Variants in TMCC3 observed in about 807,000 individuals in gnomAD.
TMCC3 encodes transmembrane and coiled-coil domain family 3, also known as transmembrane and coiled-coil domain protein 3.
In TMCC3, 28 loss-of-function variants were observed where a neutral mutation model predicts 40.2. The ratio of observed to expected loss-of-function variants is 0.70; its 90% CI spans 0.52 to 0.95. The LOEUF is 0.95. TMCC3 is among the 40% of genes least tolerant of loss of function. The probability of loss-of-function intolerance (pLI) is 0.00; values close to 1 mark genes in which losing one functional copy is unlikely to be tolerated. For missense variants in TMCC3, 554 were observed against 615.2 expected (o/e 0.90, Z 1.05); for synonymous variants, 255 against 248.5 (o/e 1.03, Z -0.25).
chr12:94,592,536 CAG>C (rs2068683154), intron 1 of TMCC3, among the ~76,000 whole-genome samples: 1 of 150,252 alleles, frequency 6.7e-6, no homozygotes, highest in African/African-American at 2.5e-5. Context: ...CCCAGCTACT[CAG>C]GAGGCTGAGG....
At chr12:94,631,373 G>A (rs543320410) in intron 1 of TMCC3, among the ~76,000 whole-genome samples, 1 of 152,240 alleles carries the variant, frequency 6.6e-6, no homozygotes, top group East Asian at 1.9e-4. Context: ...ACTTTAAAGA[G>A]GTAATTAGGC....
intron 1 of TMCC3, among the ~76,000 whole-genome samples, chr12:94,613,050 T>C (rs1021499561): frequency 2.0e-5 from 3 of 151,800 alleles, no homozygotes; most frequent in Non-Finnish European, 4.4e-5. Flanking sequence ...AATGGAGAGA[T>C]ATATATACAC....
chr12:94,578,165 A>AAAAAAAG lies in TMCC3; in HGVS notation c.1131+228_1131+229insCTTTTTT, dbSNP rs1467855760. ...TCACCTCAAAAAAAAAAAAAAAAAA[A>AAAAAAAG]AAAGAAAAAGAAAAAGAAAAAAAAA... On this transcript the variant is annotated intron_variant, in intron 3 of 3. Coordinates refer to ENST00000261226, the MANE Select transcript of TMCC3 (RefSeq NM_020698.4). Among the ~76,000 whole-genome samples the AAAAAAAG allele has an allele frequency of 4.7e-3, 575 of 123,212 alleles. 27 individuals are homozygous for AAAAAAAG. The highest frequency in any genetic ancestry group is 0.046 in the East Asian group (210 of 4,534). The allele number at this position is 123,212 out of a possible 152,430, so 80.8% of individuals were successfully genotyped here. A position where few individuals can be genotyped will look rare whatever the true frequency, so the allele number is the denominator to read the frequency against.
At chr12:94,577,926 C>G (rs937189657) in intron 3 of TMCC3, among the ~76,000 whole-genome samples, 1 of 151,896 alleles carries the variant, frequency 6.6e-6, no homozygotes, top group Non-Finnish European at 1.5e-5. Context: ...GTGGGCAGAT[C>G]ACTTGAGGTC....
intron 1 of TMCC3, among the ~76,000 whole-genome samples, chr12:94,611,906 C>A (rs1176835504): frequency 6.6e-6 from 1 of 152,188 alleles, no homozygotes; most frequent in Non-Finnish European, 1.5e-5. Context: ...TTCATGGCAA[C>A]TGAAGGGTCA....
intron 1 of TMCC3, among the ~76,000 whole-genome samples, chr12:94,638,347 T>C (rs1270213219): frequency 6.6e-6 from 1 of 152,184 alleles, no homozygotes; most frequent in East Asian, 1.9e-4. Context: ...TGAGGTCCTC[T>C]TGCACCATGC....
chr12:94,585,524 G>A (rs767904602), intron 1 of TMCC3, among the ~76,000 whole-genome samples: 1 of 151,928 alleles, frequency 6.6e-6, no homozygotes, highest in African/African-American at 2.4e-5. Flanking sequence ...GTGAAACCCT[G>A]TCTCTACTAA....
chr12:94,583,421 T>G (rs953994851), intron 1 of TMCC3, among the ~76,000 whole-genome samples: 7 of 152,000 alleles, frequency 4.6e-5, no homozygotes, highest in African/African-American at 1.7e-4. Context: ...GGAGAATCAC[T>G]TGAACCCGGA....
At position 94,593,452 on chromosome 12, in the gene TMCC3, GAGAAGA is replaced by G. The variant is rs370270093; in HGVS notation, c.79-10920_79-10915del. On this transcript the variant is annotated intron_variant, in intron 1 of 3. Coordinates refer to ENST00000261226, the MANE Select transcript of TMCC3 (RefSeq NM_020698.4). ...GAAGAAGGAGAAGGAGAAGGAGAAG[GAGAAGA>G]AGAAGAAGAAGAAGAAGAATTCTAT... Among the ~76,000 whole-genome samples the G allele has an allele frequency of 3.5e-4, 43 of 122,808 alleles. 10 individuals are homozygous for G. The highest frequency in any genetic ancestry group is 5.0e-4 in the Non-Finnish European group (30 of 60,288). 80.6% of individuals were successfully genotyped at this position (122,808 alleles called of 152,430 possible).
At chr12:94,634,627 C>T (rs768197595) in intron 1 of TMCC3, among the ~76,000 whole-genome samples, 28 of 152,080 alleles carry the variant, frequency 1.8e-4, no homozygotes, top group Non-Finnish European at 3.7e-4. Context: ...TAATGTGCTC[C>T]CACCTACCCA....
chr12:94,650,162 G>T (rs1256891779), intron 1 of TMCC3, among the ~76,000 whole-genome samples, 191 bp downstream of exon 1: 1 of 152,100 alleles, frequency 6.6e-6, no homozygotes, highest in Non-Finnish European at 1.5e-5. Flanking sequence ...TCCCAGAACC[G>T]CAGCCTGGGC....
rs1173206441 is a variant in TMCC3, at chr12:94,567,847, C to T, written c.*3588G>A. The T allele has an allele frequency of 6.6e-6, 1 of 152,160 alleles. No homozygotes were observed. Among genetic ancestry groups the T allele is most frequent in the Non-Finnish European group, 1.5e-5 (1 of 68,036 alleles). 9.4% of individuals were successfully genotyped at this position (152,160 alleles called of 1,614,324 possible). ...ACTATATCTGGATTCACTGCAAAAA[C>T]ATTCCCATTCAATGCAAAATAATTT... On this transcript the variant is annotated 3_prime_UTR_variant, in exon 4 of 4. Transcript: ENST00000261226.
intron 1 of TMCC3, among the ~76,000 whole-genome samples, chr12:94,598,112 G>A (rs2068729479): frequency 2.6e-5 from 4 of 152,096 alleles, no homozygotes; most frequent in South Asian, 2.1e-4. Flanking sequence ...AAATGTTTCC[G>A]GTACCTTATT....
chr12:94,590,428 T>C (rs958359286), intron 1 of TMCC3, among the ~76,000 whole-genome samples: 2 of 152,134 alleles, frequency 1.3e-5, no homozygotes, highest in African/African-American at 4.8e-5. Context: ...ACTGCTTGTA[T>C]TGGAACAATG....
At chr12:94,612,524 C>A (rs1421672848) in intron 1 of TMCC3, among the ~76,000 whole-genome samples, 1 of 152,072 alleles carries the variant, frequency 6.6e-6, no homozygotes, top group East Asian at 1.9e-4. Flanking sequence ...GTTGGCCAGG[C>A]TGGTCACGAT....
chr12:94,576,324 C>T (rs904947586), intron 3 of TMCC3, among the ~76,000 whole-genome samples: 10 of 152,188 alleles, frequency 6.6e-5, no homozygotes, highest in Admixed American at 6.5e-5. Flanking sequence ...GTTGAAACTC[C>T]AGGTCACACA....
In TMCC3 at chr12:94,597,161, ATAT is replaced by A. The variant is rs1370087405; in HGVS notation, c.79-14626_79-14624del. 4.8e-4 allele frequency among the ~76,000 whole-genome samples: 36 copies of A among 74,898 alleles called. No homozygotes were observed. In the South Asian group the frequency reaches 6.6e-3, roughly 14 times the overall value. The allele number at this position is 74,898 out of a possible 152,430, so 49.1% of individuals were successfully genotyped here. On this transcript the variant is annotated intron_variant, in intron 1 of 3. Coordinates refer to ENST00000261226, the MANE Select transcript of TMCC3 (RefSeq NM_020698.4). ...TATATATATATATATATATATATGT[ATAT>A]AAATTAGCCAGGCCTGCTGGCGTGC... is the stretch of plus-strand genomic sequence containing the variant.
At chr12:94,607,568 C>T (rs2625932) in intron 1 of TMCC3, among the ~76,000 whole-genome samples, 47,241 of 152,086 alleles carry the variant, frequency 0.31, 9,613 homozygotes, top group Non-Finnish European at 0.45. Flanking sequence ...TCTCTCCATT[C>T]GGGGTCCCTG....
At chr12:94,634,049 G>A (rs902696456) in intron 1 of TMCC3, among the ~76,000 whole-genome samples, 1 of 151,412 alleles carries the variant, frequency 6.6e-6, no homozygotes, top group Non-Finnish European at 1.5e-5. Flanking sequence ...GGGTTCAAAC[G>A]ATTTTCCCTA....
Sources: allele counts gnomAD v4.1 joint callset (sites outside exome capture counted in the v4.1 genomes callset), GRCh38; gene constraint gnomAD v4.1.1; transcripts MANE v1.5; gene names NCBI Gene and HGNC (gene_info 2026-07-23, HGNC 2026-07-21).